UBE2N: variants seen among roughly 807,000 people sequenced by gnomAD.
UBE2N encodes ubiquitin conjugating enzyme E2 N.
For missense variants in UBE2N, 60 were observed against 192.1 expected, an observed-to-expected ratio of 0.31 and a Z score of 4.07; for synonymous variants, 70 against 69.2, an observed-to-expected ratio of 1.01 and a Z score of -0.06.
chr12:93,409,875 C>G lies in UBE2N; in HGVS notation c.*164G>C. ...CATGCTTTATGACAGTGAATCAGGACAAGACATAGATTTGCTAATGTGCAT... is the reference window on the plus strand; with the variant it reads ...CATGCTTTATGACAGTGAATCAGGAGAAGACATAGATTTGCTAATGTGCAT... On this transcript the variant is annotated 3_prime_UTR_variant, in exon 4 of 4. Coordinates refer to ENST00000318066, the MANE Select transcript of UBE2N (RefSeq NM_003348.4). The G allele has an allele frequency of 4.4e-6, 3 of 685,756 alleles. No homozygotes were observed. The South Asian group carries it at 5.1e-5, about 12-fold the overall frequency. 42.5% of individuals were successfully genotyped at this position (685,756 alleles called of 1,614,324 possible).
At chr12:93,437,271 T>G (rs1298315743) in intron 1 of UBE2N, among the ~76,000 whole-genome samples, 1 of 151,764 alleles carries the variant, frequency 6.6e-6, no homozygotes, top group Non-Finnish European at 1.5e-5. Flanking sequence ...TATTAGGAAT[T>G]CGAGGCTGTA....
chr12:93,424,956 T>A (rs1878534277), intron 1 of UBE2N, among the ~76,000 whole-genome samples: 1 of 152,232 alleles, frequency 6.6e-6, no homozygotes, highest in South Asian at 2.1e-4. Flanking sequence ...TGAACTTTGT[T>A]TCGTTTATGA....
Position 93,411,090 on chromosome 12 carries a change from T to C in UBE2N, c.240A>G (p.Val80=). Residue 80 remains valine, a synonymous_variant, in exon 2 of 4, where the codon GTA becomes GTG. Transcript: ENST00000318066. ...CTAAACATATTCTTCCCAACTTGTC[T>C]ACATTAGGATGATAAATTTTGGTCA... ...RFMTKIYHPN[V]DKLGRICLDI... is the part of the protein sequence containing the mutation. The C allele has an allele frequency of 6.2e-7, 1 of 1,614,230 alleles. No homozygotes were observed. The highest frequency in any genetic ancestry group is 8.5e-7 in the Non-Finnish European group (1 of 1,180,038).
In UBE2N at chr12:93,409,875, C is replaced by A. The variant is rs1877983455; in HGVS notation, c.*164G>T. On this transcript the variant is annotated 3_prime_UTR_variant, in exon 4 of 4. Coordinates refer to ENST00000318066, the MANE Select transcript of UBE2N (RefSeq NM_003348.4). Reference sequence around the variant, plus strand: ...CATGCTTTATGACAGTGAATCAGGACAAGACATAGATTTGCTAATGTGCAT... The same window carrying A: ...CATGCTTTATGACAGTGAATCAGGAAAAGACATAGATTTGCTAATGTGCAT... The A allele has an allele frequency of 1.5e-6, 1 of 685,756 alleles. No homozygotes were observed. The highest frequency in any genetic ancestry group is 2.6e-6 in the Non-Finnish European group (1 of 389,392). The allele number at this position is 685,756 out of a possible 1,614,324, so 42.5% of individuals were successfully genotyped here.
At chr12:93,433,815 T>A (rs1391406396) in intron 1 of UBE2N, among the ~76,000 whole-genome samples, 1 of 152,232 alleles carries the variant, frequency 6.6e-6, no homozygotes, top group Non-Finnish European at 1.5e-5. Flanking sequence ...ACATAATGTG[T>A]GTTCAGAATC....
intron 1 of UBE2N, among the ~76,000 whole-genome samples, chr12:93,437,706 T>C (rs1878974288): frequency 6.6e-6 from 1 of 151,522 alleles, no homozygotes; most frequent in Non-Finnish European, 1.5e-5. Context: ...GGAGAATCAC[T>C]TGAACCTGGG....
At chr12:93,427,374 A>T (rs1184450312) in intron 1 of UBE2N, among the ~76,000 whole-genome samples, 2 of 152,244 alleles carry the variant, frequency 1.3e-5, no homozygotes, top group African/African-American at 4.8e-5. Context: ...CTTCAGCACT[A>T]TCACTTTTTA....
chr12:93,441,482 G>A (rs7132349), intron 1 of UBE2N, among the ~76,000 whole-genome samples: 3,427 of 151,918 alleles, frequency 0.023, 134 homozygotes, highest in African/African-American at 0.079. Context: ...GCCCCGCCGC[G>A]ATTCCCGCGC....
chr12:93,412,064 A>G (rs1878047980), intron 1 of UBE2N, among the ~76,000 whole-genome samples: 1 of 152,154 alleles, frequency 6.6e-6, no homozygotes, highest in Non-Finnish European at 1.5e-5. Context: ...GGAGATAAGA[A>G]GAGGCCCAGG....
At chr12:93,435,629 A>G (rs1161234771) in intron 1 of UBE2N, among the ~76,000 whole-genome samples, 1 of 152,244 alleles carries the variant, frequency 6.6e-6, no homozygotes, top group Non-Finnish European at 1.5e-5. Flanking sequence ...CCCGTCTCAA[A>G]TAAATAAAAG....
At chr12:93,418,205 C>G (rs1446870698) in intron 1 of UBE2N, among the ~76,000 whole-genome samples, 1 of 151,968 alleles carries the variant, frequency 6.6e-6, no homozygotes, top group Non-Finnish European at 1.5e-5. Context: ...AACCAAAAAA[C>G]TAAAAAAATT....
intron 1 of UBE2N, among the ~76,000 whole-genome samples, chr12:93,411,765 TCA>T (rs1878038107): frequency 6.6e-6 from 1 of 152,156 alleles, no homozygotes; most frequent in Non-Finnish European, 1.5e-5. Flanking sequence ...AGATCTTGGC[TCA>T]CTGCAGCCTC....
intron 1 of UBE2N, among the ~76,000 whole-genome samples, chr12:93,417,060 T>C (rs1878240495): frequency 6.6e-6 from 1 of 152,186 alleles, no homozygotes; most frequent in Non-Finnish European, 1.5e-5. Context: ...AATTAGTTAA[T>C]GTAGACTATG....
chr12:93,430,612 TA>T (rs555941966), intron 1 of UBE2N, among the ~76,000 whole-genome samples: 120 of 151,182 alleles, frequency 7.9e-4, no homozygotes, highest in African/African-American at 2.8e-3. Context: ...GACTTCTGAT[TA>T]AAAAAAACCA....
At chr12:93,412,855 C>A (rs1382690817) in intron 1 of UBE2N, among the ~76,000 whole-genome samples, 1 of 152,184 alleles carries the variant, frequency 6.6e-6, no homozygotes, top group Non-Finnish European at 1.5e-5. Context: ...CATGCCAGGG[C>A]AAATATTTAG....
chr12:93,428,076 A>C (rs1878647619), intron 1 of UBE2N, among the ~76,000 whole-genome samples: 1 of 151,926 alleles, frequency 6.6e-6, no homozygotes, highest in Non-Finnish European at 1.5e-5. Flanking sequence ...GTGCCACCAC[A>C]CCTGGCTAAT....
chr12:93,420,053 C>T (rs1313745195), intron 1 of UBE2N, among the ~76,000 whole-genome samples: 3 of 152,132 alleles, frequency 2.0e-5, no homozygotes, highest in African/African-American at 7.2e-5. Context: ...CTTTTCCCTT[C>T]TACTCCCACA....
chr12:93,410,704 G>A, intron 3 of UBE2N, 30 bp downstream of exon 3: 1 of 1,610,810 alleles, frequency 6.2e-7, no homozygotes, highest in Non-Finnish European at 8.5e-7. Context: ...AAAAGTGGAA[G>A]TGGTGTGAAG....
At chr12:93,415,772 A>G (rs12303259) in intron 1 of UBE2N, among the ~76,000 whole-genome samples, 1,768 of 152,290 alleles carry the variant, frequency 0.012, 38 homozygotes, top group African/African-American at 0.04. Flanking sequence ...CCAGGGCCCA[A>G]GAGTCCCAAT....
Sources: allele counts gnomAD v4.1 joint callset (sites outside exome capture counted in the v4.1 genomes callset), GRCh38; gene constraint gnomAD v4.1.1; transcripts MANE v1.5; gene names NCBI Gene and HGNC (gene_info 2026-07-23, HGNC 2026-07-21).